The following ZC3H3 variants were observed in gnomAD, a reference collection of about 807,000 sequenced individuals.
The protein encoded by ZC3H3 is zinc finger CCCH-type containing 3, also known as zinc finger CCCH domain-containing protein 3.
Under a neutral mutation model 77.3 loss-of-function variants are expected in ZC3H3, and 36 were observed. The ratio of observed to expected loss-of-function variants is 0.47; its 90% CI spans 0.36 to 0.61. The LOEUF is 0.61. ZC3H3 is among the 20% of genes least tolerant of loss of function. ZC3H3 has a pLI of 0.00. For synonymous variants in ZC3H3, 626 were observed against 555.2 expected (o/e 1.13, Z -1.79); for missense variants, 1,331 against 1,312.2 (o/e 1.01, Z -0.22).
chr8:143,509,980 G>A (rs1821822055), intron 3 of ZC3H3, among the ~76,000 whole-genome samples: 2 of 152,216 alleles, frequency 1.3e-5, no homozygotes, highest in African/African-American at 4.8e-5. Context: ...ACTGCACACA[G>A]GACTGGACTC....
At chr8:143,481,474 C>A (rs1820905525) in intron 4 of ZC3H3, among the ~76,000 whole-genome samples, 1 of 152,172 alleles carries the variant, frequency 6.6e-6, no homozygotes, top group South Asian at 2.1e-4. Context: ...GCTGTGTGAC[C>A]AGGGGCGGGA....
intron 3 of ZC3H3, among the ~76,000 whole-genome samples, chr8:143,520,367 C>T (rs1338367978): frequency 6.6e-6 from 1 of 152,226 alleles, no homozygotes; most frequent in Admixed American, 6.5e-5. Flanking sequence ...GCCCTGCATG[C>T]GGTGAGGGGG....
intron 4 of ZC3H3, among the ~76,000 whole-genome samples, chr8:143,484,034 A>G (rs949419778): frequency 3.9e-5 from 6 of 151,906 alleles, no homozygotes; most frequent in Non-Finnish European, 8.8e-5. Context: ...GCCCTGCACC[A>G]GCGGCCAGGG....
At chr8:143,478,666 C>T (rs1039554466) in intron 4 of ZC3H3, among the ~76,000 whole-genome samples, 7 of 152,200 alleles carry the variant, frequency 4.6e-5, no homozygotes, top group African/African-American at 9.7e-5. Context: ...TGTGCCAACA[C>T]GCCCGGCTAA....
rs577526079 is a variant in ZC3H3, at chr8:143,533,220, G to A, written c.1561+3037C>T. 7.9e-4 allele frequency among the ~76,000 whole-genome samples: 120 copies of A among 152,042 alleles called. No homozygotes were observed. The highest frequency in any genetic ancestry group is 1.5e-3 in the Non-Finnish European group (103 of 68,002). Reference sequence around the variant, plus strand: ...GCCCCGTTGGCTGCATCCCCTCCAAGCCACACTCCCAGATGGTGAACTGGC... The same window carrying A: ...GCCCCGTTGGCTGCATCCCCTCCAAACCACACTCCCAGATGGTGAACTGGC... On this transcript the variant is annotated intron_variant, in intron 3 of 11. Coordinates refer to ENST00000262577, the MANE Select transcript of ZC3H3 (RefSeq NM_015117.3). The surrounding 1 kb of genome is among the most constrained non-coding windows in gnomAD (Gnocchi z 4.0).
At chr8:143,472,795 G>A (rs1820610311) in intron 5 of ZC3H3, among the ~76,000 whole-genome samples, 3 of 152,236 alleles carry the variant, frequency 2.0e-5, no homozygotes, top group Admixed American at 2.0e-4. Flanking sequence ...TCCCGCGGGT[G>A]CACGGTGCAG....
At chr8:143,519,572 A>G (rs1015738265) in intron 3 of ZC3H3, among the ~76,000 whole-genome samples, 6 of 152,220 alleles carry the variant, frequency 3.9e-5, no homozygotes, top group Non-Finnish European at 7.3e-5. Context: ...AGCGGCAGGC[A>G]GGATCTGACC....
intron 2 of ZC3H3, among the ~76,000 whole-genome samples, chr8:143,537,574 C>G (rs1822843195): frequency 6.6e-6 from 1 of 152,246 alleles, no homozygotes; most frequent in Non-Finnish European, 1.5e-5. Flanking sequence ...CCGTGGCCGG[C>G]AGGTCCAGGC....
chr8:143,461,632 C>T (rs1330376129), intron 9 of ZC3H3, among the ~76,000 whole-genome samples: 2 of 151,454 alleles, frequency 1.3e-5, no homozygotes, highest in East Asian at 3.8e-4. Context: ...TGTGGAGAGC[C>T]TCTGCAGCGG....
chr8:143,451,417 G>A (rs374745061), intron 9 of ZC3H3, among the ~76,000 whole-genome samples: 3 of 152,010 alleles, frequency 2.0e-5, no homozygotes, highest in South Asian at 2.1e-4. Context: ...CTCTAGACGC[G>A]ACAAAGGATG....
Position 143,538,549 on chromosome 8 carries a change from G to A in ZC3H3, c.818C>T (p.Pro273Leu), listed in dbSNP as rs1822886777. 1.2e-6 allele frequency: 2 copies of A among 1,611,772 alleles called. No individual in the cohort carries two copies. Among genetic ancestry groups the A allele is most frequent in the East Asian group, 2.2e-5 (1 of 44,878 alleles). ...RRVDAGHTDQ[P>L]VPSGSVGGPA... ...GCCCCCCACTGAGCCAGACGGAACTGGCTGATCTGTGTGGCCAGCATCTAC... is the reference window on the plus strand; with the variant it reads ...GCCCCCCACTGAGCCAGACGGAACTAGCTGATCTGTGTGGCCAGCATCTAC... The change falls in exon 2 of 12, where the codon CCA becomes CTA. Residue 273 changes from proline to leucine, a missense_variant. By Grantham distance (98) the Pro-to-Leu change is moderately conservative. Around this residue, in one of 3 missense-constraint regions of ZC3H3, gnomAD observed 978 missense variants for 915.5 expected, o/e 1.07. Coordinates refer to ENST00000262577, the MANE Select transcript of ZC3H3 (RefSeq NM_015117.3).
rs1409123936 is a variant in ZC3H3, at chr8:143,484,905, G to A, written c.1716-9320C>T. On this transcript the variant is annotated intron_variant, in intron 4 of 11. Transcript: ENST00000262577. ...GCTCAGCTCCCTGGAAAGGCGTGGT[G>A]ACCTCAGCAAACTTCATGCGGCCCT... 6 of 455,292 alleles carry A rather than the reference G, an allele frequency of 1.3e-5. No individual in the cohort carries two copies. The Admixed American group carries it at 1.4e-4, about 11-fold the overall frequency. The allele number at this position is 455,292 out of a possible 1,614,324, so 28.2% of individuals were successfully genotyped here. A position where few individuals can be genotyped will look rare whatever the true frequency, so the allele number is the denominator to read the frequency against.
At position 143,465,709 on chromosome 8, in the gene ZC3H3, C is replaced by CA. The variant is rs1489340340; in HGVS notation, c.2307+7_2307+8insT. The CA allele has an allele frequency of 6.2e-7, 1 of 1,613,574 alleles. No homozygotes were observed. Among genetic ancestry groups the CA allele is most frequent in the Non-Finnish European group, 8.5e-7 (1 of 1,179,908 alleles). On this transcript the variant is annotated splice_region_variant and intron_variant, in intron 9 of 11. Coordinates refer to ENST00000262577, the MANE Select transcript of ZC3H3 (RefSeq NM_015117.3). The stretch of plus-strand genomic sequence containing the variant: ...CCCCGCCCACTCGGGCCCCCACAGA[C>CA]CACTCACCTTTGCACCCAGGGGGCA...
intron 9 of ZC3H3, among the ~76,000 whole-genome samples, chr8:143,445,859 A>C (rs1819852429): frequency 1.3e-5 from 2 of 152,330 alleles, no homozygotes; most frequent in South Asian, 4.1e-4. Flanking sequence ...CTTTTTTTTA[A>C]CCTGACAAGA....
At chr8:143,454,087 T>C (rs1437181159) in intron 9 of ZC3H3, among the ~76,000 whole-genome samples, 3 of 151,846 alleles carry the variant, frequency 2.0e-5, no homozygotes, top group Non-Finnish European at 4.4e-5. Flanking sequence ...TTCTTTTTTT[T>C]TTTTTTTTCC....
At chr8:143,441,709 C>T (rs1819746797) in intron 9 of ZC3H3, among the ~76,000 whole-genome samples, 1 of 152,154 alleles carries the variant, frequency 6.6e-6, no homozygotes, top group Admixed American at 6.5e-5. Context: ...CCTACCAGGC[C>T]CACAGGGAAA....
chr8:143,526,286 A>G (rs982728396), intron 3 of ZC3H3, among the ~76,000 whole-genome samples: 29 of 152,276 alleles, frequency 1.9e-4, no homozygotes, highest in African/African-American at 6.3e-4. Flanking sequence ...GTCCCAACAT[A>G]GCCCCAGAGC....
chr8:143,507,365 C>G (rs2130421268), intron 4 of ZC3H3, among the ~76,000 whole-genome samples: 1 of 152,372 alleles, frequency 6.6e-6, no homozygotes, highest in South Asian at 2.1e-4. Context: ...GAAGGCCCAG[C>G]CTCTCCCACC....
chr8:143,526,285 T>C (rs955269022), intron 3 of ZC3H3, among the ~76,000 whole-genome samples: 8 of 151,870 alleles, frequency 5.3e-5, no homozygotes, highest in African/African-American at 1.5e-4. Context: ...AGTCCCAACA[T>C]AGCCCCAGAG....
Sources: allele counts gnomAD v4.1 joint callset (sites outside exome capture counted in the v4.1 genomes callset), GRCh38; gene constraint gnomAD v4.1.1; regional missense constraint gnomAD v4.1.1; non-coding constraint Gnocchi (gnomAD v3.1); transcripts MANE v1.5; gene names NCBI Gene and HGNC (gene_info 2026-07-23, HGNC 2026-07-21).